The following KSR2 variants were observed in gnomAD, a reference collection of about 807,000 sequenced individuals.
The protein encoded by KSR2 is kinase suppressor of ras 2.
Under a neutral mutation model 107.8 loss-of-function variants are expected in KSR2, and 25 were observed. That is an observed-to-expected ratio of 0.23 (90% confidence interval 0.17 to 0.32). KSR2 has a LOEUF of 0.32. KSR2 is among the 10% of genes least tolerant of loss of function. The probability of loss-of-function intolerance (pLI) is 1.00; values close to 1 mark genes in which losing one functional copy is unlikely to be tolerated. For missense variants in KSR2, 887 were observed against 1,268.9 expected (o/e 0.70, Z 4.57); for synonymous variants, 480 against 507.0 (o/e 0.95, Z 0.71).
chr12:117,515,700 C>A (rs931866127), intron 14 of KSR2, among the ~76,000 whole-genome samples: 4 of 152,102 alleles, frequency 2.6e-5, no homozygotes, highest in African/African-American at 7.2e-5. Flanking sequence ...CTGAGGCGGG[C>A]AGATCATTTG....
intron 3 of KSR2, among the ~76,000 whole-genome samples, chr12:117,821,948 T>C (rs1474779027): frequency 6.6e-6 from 1 of 152,118 alleles, no homozygotes; most frequent in Admixed American, 6.5e-5. Flanking sequence ...CAGGATGGGA[T>C]GGGAGGTTGG....
At chr12:117,521,764 T>C (rs1874772261) in intron 14 of KSR2, among the ~76,000 whole-genome samples, 1 of 152,222 alleles carries the variant, frequency 6.6e-6, no homozygotes, top group African/African-American at 2.4e-5. Context: ...GGTCCAAAAA[T>C]GGTTCCAGTT....
chr12:117,740,327 A>C (rs1425489677), intron 4 of KSR2, among the ~76,000 whole-genome samples: 2 of 130,666 alleles, frequency 1.5e-5, no homozygotes, highest in East Asian at 4.1e-4. Flanking sequence ...ACATATATAC[A>C]TTATATATAT....
chr12:117,803,863 G>A (rs933827662), intron 3 of KSR2, among the ~76,000 whole-genome samples: 23 of 152,134 alleles, frequency 1.5e-4, no homozygotes, highest in Non-Finnish European at 2.4e-4. Flanking sequence ...GGGGCTCAGA[G>A]AGGTTAAGAT....
At chr12:117,537,723 G>C (rs1255149758) in intron 10 of KSR2, among the ~76,000 whole-genome samples, 1 of 152,120 alleles carries the variant, frequency 6.6e-6, no homozygotes, top group Non-Finnish European at 1.5e-5. Flanking sequence ...CCCCAAAGAG[G>C]GCCAGGACCT....
intron 4 of KSR2, among the ~76,000 whole-genome samples, chr12:117,729,365 G>A (rs183516694): frequency 1.9e-4 from 29 of 152,188 alleles, no homozygotes; most frequent in South Asian, 4.2e-4. Flanking sequence ...AGTTGCATAC[G>A]ACAACAGGGT....
At chr12:117,747,613 A>T (rs1019448803) in intron 4 of KSR2, among the ~76,000 whole-genome samples, 1 of 152,090 alleles carries the variant, frequency 6.6e-6, no homozygotes, top group Non-Finnish European at 1.5e-5. Context: ...AATAAAATAA[A>T]ATAATTAATT....
chr12:117,755,557 C>T (rs1056165923), intron 4 of KSR2, among the ~76,000 whole-genome samples: 1 of 152,190 alleles, frequency 6.6e-6, no homozygotes, highest in South Asian at 2.1e-4. Context: ...CTGACTGCTC[C>T]ACTAACAGGC....
chr12:117,704,199 G>A (rs997115533), intron 4 of KSR2, among the ~76,000 whole-genome samples: 3 of 152,076 alleles, frequency 2.0e-5, no homozygotes, highest in East Asian at 1.9e-4. Flanking sequence ...AAAGTCTTTC[G>A]TATCAACAGT....
At position 117,920,221 on chromosome 12, in the gene KSR2, C is replaced by T. The variant is rs78512813; in HGVS notation, c.180+47855G>A. ...TCAAATAATCCTCTGACCTCAGCTT[C>T]CCAAGTAGCTGGGAGTAAAGGTAGG... On this transcript the variant is annotated intron_variant, in intron 1 of 19. Coordinates refer to ENST00000339824, the MANE Select transcript of KSR2 (RefSeq NM_173598.6). Among the ~76,000 whole-genome samples the T allele has an allele frequency of 9.6e-4, 146 of 152,252 alleles. 5 individuals are homozygous for T. The East Asian group carries it at 0.022, about 23-fold the overall frequency.
intron 8 of KSR2, 43 bp from the exon 9 acceptor site, chr12:117,555,336 T>C (rs1267846909): frequency 6.2e-7 from 1 of 1,609,270 alleles, no homozygotes; most frequent in Non-Finnish European, 8.5e-7. Context: ...AAGTATCACT[T>C]TGTCTTTGGT....
intron 3 of KSR2, among the ~76,000 whole-genome samples, chr12:117,764,830 GA>G (rs1255426801): frequency 6.6e-6 from 1 of 152,096 alleles, no homozygotes; most frequent in Admixed American, 6.6e-5. Context: ...GGGACAATAA[GA>G]AAACCTAATA....
chr12:117,957,972 C>T lies in KSR2; in HGVS notation c.180+10104G>A, dbSNP rs574580473. 2.0e-5 allele frequency among the ~76,000 whole-genome samples: 3 copies of T among 152,128 alleles called. 1 individual carries two copies. The highest frequency in any genetic ancestry group is 7.2e-5 in the African/African-American group (3 of 41,510). Reference sequence around the variant, plus strand: ...TCAGCCTCCCAAGTAGCTGGGATTACAGGCATGTGCCCCCACACCAGCTAA... The same window carrying T: ...TCAGCCTCCCAAGTAGCTGGGATTATAGGCATGTGCCCCCACACCAGCTAA... On this transcript the variant is annotated intron_variant, in intron 1 of 19. Coordinates refer to ENST00000339824, the MANE Select transcript of KSR2 (RefSeq NM_173598.6).
chr12:117,775,142 T>A (rs532046281), intron 3 of KSR2, among the ~76,000 whole-genome samples: 1 of 152,224 alleles, frequency 6.6e-6, no homozygotes, highest in African/African-American at 2.4e-5. Context: ...TGTTTGAACA[T>A]CTGTTTTCAG....
At chr12:117,480,755 T>A (rs1479092992) in intron 16 of KSR2, among the ~76,000 whole-genome samples, 2 of 152,066 alleles carry the variant, frequency 1.3e-5, no homozygotes, top group Non-Finnish European at 2.9e-5. Context: ...TCTGAGGGCT[T>A]ATGAGGATAA....
chr12:117,641,848 G>A (rs1310442582), intron 5 of KSR2, among the ~76,000 whole-genome samples: 2 of 152,096 alleles, frequency 1.3e-5, no homozygotes, highest in Non-Finnish European at 2.9e-5. Context: ...GGTCCGAGAT[G>A]AAAGCCTGGA....
At chr12:117,499,278 G>T (rs1873225698) in intron 14 of KSR2, among the ~76,000 whole-genome samples, 1 of 152,218 alleles carries the variant, frequency 6.6e-6, no homozygotes, top group Non-Finnish European at 1.5e-5. Context: ...AGCCCCCACG[G>T]TGTTAGCAGA....
intron 1 of KSR2, among the ~76,000 whole-genome samples, chr12:117,922,852 T>C (rs1895383630): frequency 6.6e-6 from 1 of 152,310 alleles, no homozygotes. Context: ...ATTATTCCAT[T>C]TGGAGATTTG....
rs12310990 is a variant in KSR2 at position 117,693,990 on chromosome 12, C to G, written c.987-26332G>C. Among the ~76,000 whole-genome samples the G allele has an allele frequency of 3.9e-3, 597 of 152,290 alleles. 7 individuals carry two copies. Among genetic ancestry groups the G allele is most frequent in the African/African-American group, 0.014 (573 of 41,558 alleles). ...TACAACACTGATTGAAGGGTCATCA[C>G]TTGGCCACTGAACTTTGTTTTAGGT... On this transcript the variant is annotated intron_variant, in intron 4 of 19. Coordinates refer to ENST00000339824, the MANE Select transcript of KSR2 (RefSeq NM_173598.6).
Sources: allele counts gnomAD v4.1 joint callset (sites outside exome capture counted in the v4.1 genomes callset), GRCh38; gene constraint gnomAD v4.1.1; transcripts MANE v1.5; gene names NCBI Gene and HGNC (gene_info 2026-07-23, HGNC 2026-07-21).